Variants in RPE65 observed in about 807,000 individuals in gnomAD.
The protein encoded by RPE65 is retinoid isomerohydrolase RPE65.
Under a neutral mutation model 68.5 loss-of-function variants are expected in RPE65, and 58 were observed. The observed-to-expected ratio is 0.85, with a 90% CI of 0.69 to 1.05. The LOEUF is 1.05. Ranked by LOEUF, RPE65 falls within the 50% of genes least tolerant of loss-of-function variation. The pLI is 0.00. For synonymous variants in RPE65, 220 were observed against 222.2 expected, an observed-to-expected ratio of 0.99 and a Z score of 0.09; for missense variants, 643 against 629.9, an observed-to-expected ratio of 1.02 and a Z score of -0.22.
chr1:68,438,126 C>A lies in RPE65; in HGVS notation c.1128+61G>T, dbSNP rs1186430530. On this transcript the variant is annotated intron_variant, in intron 10 of 13. Transcript: ENST00000262340. ...TATGTATAAACATGAGGCAGGAGGA[C>A]AATTCCTGAGAGAGATGAAACATTC... The A allele has an allele frequency of 1.9e-6, 3 of 1,602,964 alleles. No individual in the cohort carries two copies. In the African/African-American group the frequency reaches 4.0e-5, roughly 21 times the overall value.
At chr1:68,439,746 GT>G in intron 6 of RPE65, 104 bp from the exon 7 acceptor site, 1 of 859,818 alleles carries the variant, frequency 1.2e-6, no homozygotes, top group Non-Finnish European at 1.9e-6. Flanking sequence ...CATTTTGATT[GT>G]TTTAGAGGGG....
At chr1:68,440,496 A>G (rs1380376031) in intron 6 of RPE65, among the ~76,000 whole-genome samples, 1 of 152,240 alleles carries the variant, frequency 6.6e-6, no homozygotes, top group East Asian at 1.9e-4. Flanking sequence ...GCACACATAC[A>G]TGCTTATTTA....
intron 10 of RPE65, among the ~76,000 whole-genome samples, chr1:68,435,101 C>T (rs1489785399): frequency 6.6e-6 from 1 of 152,134 alleles, no homozygotes; most frequent in Non-Finnish European, 1.5e-5. Context: ...TGGCAATGGG[C>T]ACCGTATAAC....
chr1:68,449,770 C>T (rs1294759332), intron 1 of RPE65, 125 bp downstream of exon 1: 7 of 1,181,536 alleles, frequency 5.9e-6, no homozygotes, highest in Non-Finnish European at 8.7e-6. Flanking sequence ...AATTTCCCCA[C>T]CAAAATTCAA....
intron 10 of RPE65, among the ~76,000 whole-genome samples, chr1:68,436,968 A>T (rs908841370): frequency 1.3e-5 from 2 of 152,014 alleles, no homozygotes; most frequent in Non-Finnish European, 2.9e-5. Flanking sequence ...CCATTTTCTT[A>T]ACTCAACTAC....
At chr1:68,433,927 T>TGA (rs1645842954) in intron 10 of RPE65, among the ~76,000 whole-genome samples, 3 of 151,796 alleles carry the variant, frequency 2.0e-5, no homozygotes, top group African/African-American at 7.3e-5. Flanking sequence ...CTCAACGTAG[T>TGA]GAGAGAGAGT....
intron 1 of RPE65, among the ~76,000 whole-genome samples, chr1:68,449,567 A>C (rs1457048893): frequency 1.3e-5 from 2 of 152,206 alleles, no homozygotes; most frequent in Non-Finnish European, 2.9e-5. Flanking sequence ...ATATACAGGA[A>C]AAGCTAGACT....
chr1:68,431,637 C>A, intron 10 of RPE65, 52 bp from the exon 11 acceptor site: 1 of 1,465,628 alleles, frequency 6.8e-7, no homozygotes, highest in East Asian at 2.3e-5. Context: ...ATTCAAACAG[C>A]CAGAAATGCA....
chr1:68,442,355 A>T (rs1645909585), intron 5 of RPE65, among the ~76,000 whole-genome samples: 1 of 152,210 alleles, frequency 6.6e-6, no homozygotes, highest in Non-Finnish European at 1.5e-5. Context: ...CTTGTGAAAT[A>T]ATGTGTGCTG....
intron 10 of RPE65, among the ~76,000 whole-genome samples, chr1:68,435,988 T>C (rs3125894): frequency 0.17 from 26,608 of 152,234 alleles, 2,440 homozygotes; most frequent in Admixed American, 0.23. Context: ...GATTTGATGA[T>C]GTTAGACATT....
At chr1:68,440,694 C>T (rs1008252041) in intron 6 of RPE65, among the ~76,000 whole-genome samples, 159 bp downstream of exon 6, 2 of 152,116 alleles carry the variant, frequency 1.3e-5, no homozygotes, top group Admixed American at 1.3e-4. Context: ...GGGCATTAGG[C>T]CCCTTATAGG....
At chr1:68,437,735 CT>C (rs1645871440) in intron 10 of RPE65, among the ~76,000 whole-genome samples, 1 of 152,002 alleles carries the variant, frequency 6.6e-6, no homozygotes, top group African/African-American at 2.4e-5. Flanking sequence ...GATTTTTAAC[CT>C]CTAGTGATAT....
chr1:68,437,361 C>T (rs908724505), intron 10 of RPE65, among the ~76,000 whole-genome samples: 2 of 152,182 alleles, frequency 1.3e-5, no homozygotes, highest in African/African-American at 4.8e-5. Flanking sequence ...GTCTGTAACA[C>T]TCAACCTCAA....
rs912500253 is a variant in RPE65 at position 68,441,029 on chromosome 1, T to C, written c.496-29A>G. On this transcript the variant is annotated intron_variant, in intron 5 of 13. Transcript: ENST00000262340. ...CGGAAGTAAAGTGAATGTCCTCCAGTTGAGAGAAGGAAGATACATTATACC... is the reference window on the plus strand; with the variant it reads ...CGGAAGTAAAGTGAATGTCCTCCAGCTGAGAGAAGGAAGATACATTATACC... The C allele has an allele frequency of 1.9e-6, 3 of 1,612,966 alleles. No homozygotes were observed. In the African/African-American group the frequency reaches 4.0e-5, roughly 22 times the overall value.
chr1:68,435,997 T>C (rs909734176), intron 10 of RPE65, among the ~76,000 whole-genome samples: 1 of 152,234 alleles, frequency 6.6e-6, no homozygotes, highest in South Asian at 2.1e-4. Flanking sequence ...ATGTTAGACA[T>C]TTTTTATGAT....
chr1:68,449,229 C>T (rs1645964716), intron 1 of RPE65, among the ~76,000 whole-genome samples: 1 of 151,966 alleles, frequency 6.6e-6, no homozygotes, highest in South Asian at 2.1e-4. Context: ...GGGTCAGGTA[C>T]CTCATCTTTC....
At chr1:68,440,661 T>C (rs1208528358) in intron 6 of RPE65, among the ~76,000 whole-genome samples, 192 bp downstream of exon 6, 2 of 152,192 alleles carry the variant, frequency 1.3e-5, no homozygotes, top group Non-Finnish European at 2.9e-5. Flanking sequence ...TTTCAAGTCG[T>C]CATCCTTTGA....
At position 68,438,937 on chromosome 1, in the gene RPE65, C is replaced by T; in HGVS notation, c.998+5G>A. The T allele has an allele frequency of 6.2e-7, 1 of 1,613,950 alleles. No individual in the cohort carries two copies. Among genetic ancestry groups the T allele is most frequent in the Non-Finnish European group, 8.5e-7 (1 of 1,179,910 alleles). The stretch of plus-strand genomic sequence containing the variant: ...GTGTCCCATTTGTCCAGTGTCCTTT[C>T]TTACCCTTTCCAGCAGCAGAGATCC... On this transcript the variant is annotated splice_donor_5th_base_variant and intron_variant, in intron 9 of 13. Transcript: ENST00000262340.
At chr1:68,432,609 G>T (rs1645835202) in intron 10 of RPE65, among the ~76,000 whole-genome samples, 1 of 152,138 alleles carries the variant, frequency 6.6e-6, no homozygotes, top group Non-Finnish European at 1.5e-5. Flanking sequence ...CTGAGCTAGG[G>T]GAGAGAATAA....
Sources: gnomAD v4.1 joint callset for allele counts (sites outside exome capture counted in the v4.1 genomes callset) on GRCh38, gnomAD v4.1.1 for gene constraint, MANE v1.5 for transcripts, NCBI Gene and HGNC (gene_info 2026-07-23, HGNC 2026-07-21) for gene names.